PRKAB2: variants seen among roughly 807,000 people sequenced by gnomAD.
The protein encoded by PRKAB2 is protein kinase AMP-activated non-catalytic subunit beta 2.
In PRKAB2, 18 loss-of-function variants were observed where a neutral mutation model predicts 29.8. That is an observed-to-expected ratio of 0.60 (90% CI 0.42 to 0.89). PRKAB2 has a LOEUF of 0.89. Ranked by LOEUF, PRKAB2 falls within the 40% of genes least tolerant of loss-of-function variation. The pLI, the probability that PRKAB2 is intolerant of heterozygous loss-of-function variation, is 0.00. For synonymous variants in PRKAB2, 136 were observed against 125.9 expected, an observed-to-expected ratio of 1.08 and a Z score of -0.54; for missense variants, 270 against 344.3, an observed-to-expected ratio of 0.78 and a Z score of 1.71.
At position 147,155,310 on chromosome 1, in the gene PRKAB2, A is replaced by C. The variant is rs1653620458; in HGVS notation, c.*4255T>G. On this transcript the variant is annotated 3_prime_UTR_variant, in exon 8 of 8. Coordinates refer to ENST00000254101, the MANE Select transcript of PRKAB2 (RefSeq NM_005399.5). ...TACCTCAGCATTAAAGGTTACAAAA[A>C]GCACCATTAAAAAGAGGACTCACAT... 6.6e-6 allele frequency: 1 copy of C among 152,582 alleles called. No individual in the cohort carries two copies. The highest frequency in any genetic ancestry group is 2.1e-4 in the South Asian group (1 of 4,828). The allele number at this position is 152,582 out of a possible 1,614,324, so 9.5% of individuals were successfully genotyped here. A position where few individuals can be genotyped will look rare whatever the true frequency, so the allele number is the denominator to read the frequency against.
chr1:147,171,656 G>C (rs1488320236), intron 2 of PRKAB2, among the ~76,000 whole-genome samples: 1 of 152,094 alleles, frequency 6.6e-6, no homozygotes, highest in African/African-American at 2.4e-5. Context: ...TGTCCACCAG[G>C]GATTACAAAC....
rs782075104 is a variant in PRKAB2, at chr1:147,166,854, G to A, written c.409C>T (p.Pro137Ser). ...GGAGATCAAGGCCTTACCTCTGATG[G>A]ATCATGAACCCACTGTCCATCCACA... ...FFVDGQWVHD[P>S]SEPVVTSQLG... The change falls in exon 4 of 8, where the codon CCA becomes TCA. Residue 137 changes from proline (P) to serine (S), a missense_variant. This residue lies in a region of PRKAB2 where 228 missense variants were observed against 255.5 expected (regional missense o/e 0.89). Coordinates refer to ENST00000254101, the MANE Select transcript of PRKAB2 (RefSeq NM_005399.5). 6.2e-7 allele frequency: 1 copy of A among 1,613,526 alleles called. No homozygotes were observed. The highest frequency in any genetic ancestry group is 1.7e-5 in the Admixed American group (1 of 60,028).
At position 147,155,870 on chromosome 1, in the gene PRKAB2, G is replaced by GT. The variant is rs1553912372; in HGVS notation, c.*3694dup. ...TGGACTCTACAAGTAATAGACTTGA[G>GT]TTTTTCTCTTTTTTCCCTTCTTTCT... On this transcript the variant is annotated 3_prime_UTR_variant, in exon 8 of 8. Coordinates refer to ENST00000254101, the MANE Select transcript of PRKAB2 (RefSeq NM_005399.5). 1 of 152,460 alleles carries GT rather than the reference G, an allele frequency of 6.6e-6. No homozygotes were observed. The highest frequency in any genetic ancestry group is 1.5e-5 in the Non-Finnish European group (1 of 67,990). The allele number at this position is 152,460 out of a possible 1,614,324, so 9.4% of individuals were successfully genotyped here.
intron 6 of PRKAB2, 70 bp downstream of exon 6, chr1:147,162,370 G>T: frequency 6.9e-7 from 1 of 1,450,240 alleles, no homozygotes; most frequent in Admixed American, 2.0e-5. Context: ...CTAACCTCTA[G>T]GATTACTGAA....
At chr1:147,165,948 C>A (rs1289398902) in intron 5 of PRKAB2, among the ~76,000 whole-genome samples, 1 of 152,152 alleles carries the variant, frequency 6.6e-6, no homozygotes, top group Non-Finnish European at 1.5e-5. Context: ...CAGGCATGTG[C>A]CATTACGCTC....
rs1553912292 is a variant in PRKAB2 at position 147,155,162 on chromosome 1, G to C, written c.*4403C>G. On this transcript the variant is annotated 3_prime_UTR_variant, in exon 8 of 8. Coordinates refer to ENST00000254101, the MANE Select transcript of PRKAB2 (RefSeq NM_005399.5). ...TATGGAAAAAACCCACAACATTTCTGTATGTATCATATCATATAATTTCCA... is the reference window on the plus strand; with the variant it reads ...TATGGAAAAAACCCACAACATTTCTCTATGTATCATATCATATAATTTCCA... The C allele has an allele frequency of 6.6e-6, 1 of 152,372 alleles. No individual in the cohort carries two copies. Among genetic ancestry groups the C allele is most frequent in the Non-Finnish European group, 1.5e-5 (1 of 68,004 alleles). The allele number at this position is 152,372 out of a possible 1,614,324, so 9.4% of individuals were successfully genotyped here.
chr1:147,161,605 C>A, intron 7 of PRKAB2, 107 bp downstream of exon 7: 1 of 929,888 alleles, frequency 1.1e-6, no homozygotes, highest in Non-Finnish European at 1.7e-6. Context: ...TCATTACTGC[C>A]AGCTTCAGCT....
intron 1 of PRKAB2, 46 bp from the exon 2 acceptor site, chr1:147,172,213 G>A: frequency 3.4e-6 from 5 of 1,459,164 alleles, no homozygotes; most frequent in Non-Finnish European, 4.5e-6. Context: ...CAGCCGCCGC[G>A]TCAGGGGCGC....
intron 7 of PRKAB2, among the ~76,000 whole-genome samples, chr1:147,160,262 TG>T (rs1653890499): frequency 6.6e-6 from 1 of 152,110 alleles, no homozygotes; most frequent in African/African-American, 2.4e-5. Context: ...CCCAATCCAA[TG>T]GATCAATTCC....
chr1:147,169,626 AAAT>A (rs1468497290), intron 2 of PRKAB2, among the ~76,000 whole-genome samples: 4 of 152,212 alleles, frequency 2.6e-5, no homozygotes, highest in African/African-American at 9.6e-5. Context: ...GTTACAGATA[AAAT>A]AATACTTGAT....
rs1654671422 is a variant in PRKAB2 at position 147,172,160 on chromosome 1, G to A, written c.-16C>T. ...TGTTTCCCATGGCTGCAGCTCGTCG[G>A]GGACCACCTACCGCGGGGAACGACA... On this transcript the variant is annotated 5_prime_UTR_variant, in exon 2 of 8. Transcript: ENST00000254101. 6.5e-7 allele frequency: 1 copy of A among 1,540,278 alleles called. No individual in the cohort carries two copies. Among genetic ancestry groups the A allele is most frequent in the Non-Finnish European group, 8.8e-7 (1 of 1,142,770 alleles).
Position 147,161,773 on chromosome 1 carries a change from G to T in PRKAB2, c.680C>A (p.Pro227Gln). Residue 227 changes from proline to glutamine, a missense_variant, in exon 7 of 8, where the codon CCA becomes CAA. Pro to Gln is a moderately conservative substitution (Grantham distance 76). This residue lies in a region of PRKAB2 where 42 missense variants were observed against 88.8 expected (regional missense o/e 0.47). Transcript: ENST00000254101. ...LNKDTNISCD[P>Q]ALLPEPNHVM... is the part of the protein sequence containing the mutation. ...ATGGTTGGGCTCAGGGAGTAAGGCT[G>T]GGTCACACTAAGAGAAAGAGAAAAA... 1 of 1,608,322 alleles carries T rather than the reference G, an allele frequency of 6.2e-7. No individual in the cohort carries two copies. Among genetic ancestry groups the T allele is most frequent in the Non-Finnish European group, 8.5e-7 (1 of 1,177,170 alleles).
At chr1:147,159,711 A>C (rs1653860526) in intron 7 of PRKAB2, 69 bp from the exon 8 acceptor site, 3 of 1,306,842 alleles carry the variant, frequency 2.3e-6, no homozygotes, top group Non-Finnish European at 3.3e-6. Context: ...CCCAGTCATC[A>C]GTCCTTCACA....
intron 7 of PRKAB2, chr1:147,160,894 AT>A (rs1378304507): frequency 1.3e-5 from 2 of 152,160 alleles, no homozygotes; most frequent in Non-Finnish European, 2.9e-5. Context: ...TCAATAATAT[AT>A]TTTTAAGTGT....
At chr1:147,161,581 C>A (rs1360657001) in intron 7 of PRKAB2, 131 bp downstream of exon 7, 3 of 737,780 alleles carry the variant, frequency 4.1e-6, no homozygotes, top group South Asian at 2.1e-5. Flanking sequence ...AAAGAGAGTT[C>A]TTCTATAATT....
At chr1:147,160,542 A>G (rs1553912945) in intron 7 of PRKAB2, among the ~76,000 whole-genome samples, 2 of 152,140 alleles carry the variant, frequency 1.3e-5, no homozygotes, top group African/African-American at 4.8e-5. Flanking sequence ...GTATCCTTCT[A>G]CCTTCCCCCG....
intron 3 of PRKAB2, 117 bp from the exon 4 acceptor site, chr1:147,167,056 A>G: frequency 1.2e-6 from 1 of 829,706 alleles, no homozygotes; most frequent in Non-Finnish European, 1.9e-6. Context: ...AAGCCATTGT[A>G]TCCCCTGGTG....
chr1:147,171,874 A>G (rs1254130916), intron 2 of PRKAB2, 115 bp downstream of exon 2: 25 of 1,362,918 alleles, frequency 1.8e-5, no homozygotes, highest in African/African-American at 2.9e-5. Context: ...AATCCCTTTA[A>G]TTCAAAAAAC....
chr1:147,171,522 G>C (rs1654584511), intron 2 of PRKAB2, among the ~76,000 whole-genome samples: 1 of 152,210 alleles, frequency 6.6e-6, no homozygotes, highest in Admixed American at 6.5e-5. Flanking sequence ...AGAGCTGCTA[G>C]AAGAGCAAAA....
Sources: allele counts gnomAD v4.1 joint callset (sites outside exome capture counted in the v4.1 genomes callset), GRCh38; gene constraint gnomAD v4.1.1; regional missense constraint gnomAD v4.1.1; transcripts MANE v1.5; gene names NCBI Gene and HGNC (gene_info 2026-07-23, HGNC 2026-07-21).